Variants in FHOD3 observed in about 807,000 individuals in gnomAD.
FHOD3 encodes the protein formin homology 2 domain containing 3.
A neutral mutation model predicts 173.0 loss-of-function variants in FHOD3; 90 were observed. The ratio of observed to expected loss-of-function variants is 0.52; its 90% confidence interval spans 0.44 to 0.62. The LOEUF is 0.62. Among genes scored for constraint, FHOD3 ranks in the 20% least tolerant of loss-of-function variants. The probability of loss-of-function intolerance (pLI) is 0.00; values close to 1 mark genes in which losing one functional copy is unlikely to be tolerated. For missense variants in FHOD3, 1,945 were observed against 2,034.7 expected (o/e 0.96, Z 0.85); for synonymous variants, 828 against 823.0 (o/e 1.01, Z -0.10).
chr18:36,444,960 A>G (rs936731745), intron 3 of FHOD3, among the ~76,000 whole-genome samples: 1 of 152,364 alleles, frequency 6.6e-6, no homozygotes, highest in Admixed American at 6.5e-5. Context: ...GTAAATTTCT[A>G]TAACTAAAAG....
At chr18:36,412,474 G>A (rs1484471855) in intron 3 of FHOD3, among the ~76,000 whole-genome samples, 2 of 152,190 alleles carry the variant, frequency 1.3e-5, no homozygotes, top group Admixed American at 1.3e-4. Context: ...TGATTGACAA[G>A]TGACAAGGAC....
At chr18:36,579,811 C>T (rs2058780024) in intron 6 of FHOD3, among the ~76,000 whole-genome samples, 1 of 151,910 alleles carries the variant, frequency 6.6e-6, no homozygotes, top group African/African-American at 2.4e-5. Flanking sequence ...CATAAATTAC[C>T]CAGTCTCAGG....
chr18:36,376,536 G>T (rs912216979), intron 3 of FHOD3, among the ~76,000 whole-genome samples: 1 of 152,220 alleles, frequency 6.6e-6, no homozygotes, highest in South Asian at 2.1e-4. Context: ...AGATGATGAG[G>T]TCTGCTTGTG....
At chr18:36,518,431 A>G (rs2056104623) in intron 5 of FHOD3, among the ~76,000 whole-genome samples, 1 of 152,118 alleles carries the variant, frequency 6.6e-6, no homozygotes, top group South Asian at 2.1e-4. Context: ...GGAGTCTTGG[A>G]GGTGTCTTCA....
chr18:36,707,223 C>T (rs576852185), intron 17 of FHOD3, among the ~76,000 whole-genome samples: 1 of 152,318 alleles, frequency 6.6e-6, no homozygotes, highest in Admixed American at 6.5e-5. Context: ...TCTCCAGTTC[C>T]TAAAGCCTTC....
chr18:36,478,977 C>T (rs1020165946), intron 3 of FHOD3, among the ~76,000 whole-genome samples: 5 of 152,152 alleles, frequency 3.3e-5, no homozygotes, highest in Admixed American at 6.5e-5. Flanking sequence ...CCTTATACAA[C>T]GTATAAAAAG....
intron 3 of FHOD3, among the ~76,000 whole-genome samples, chr18:36,454,717 C>T (rs930138969): frequency 6.6e-6 from 1 of 151,682 alleles, no homozygotes. Context: ...ACCTCTCTGT[C>T]TGGGCTTCAT....
At chr18:36,643,072 C>T (rs1431517796) in intron 10 of FHOD3, among the ~76,000 whole-genome samples, 1 of 152,010 alleles carries the variant, frequency 6.6e-6, no homozygotes, top group Non-Finnish European at 1.5e-5. Flanking sequence ...CATATTGTCA[C>T]GTGAAGCTGG....
At chr18:36,597,527 C>T (rs1319102047) in intron 7 of FHOD3, among the ~76,000 whole-genome samples, 4 of 152,070 alleles carry the variant, frequency 2.6e-5, no homozygotes, top group Non-Finnish European at 4.4e-5. Flanking sequence ...CTCGGGTTCA[C>T]GCCATTCTCC....
intron 3 of FHOD3, among the ~76,000 whole-genome samples, chr18:36,424,763 A>G (rs1599061635): frequency 1.3e-5 from 2 of 152,218 alleles, no homozygotes; most frequent in East Asian, 1.9e-4. Flanking sequence ...GACATAAACA[A>G]TTCATAAGTT....
At chr18:36,657,620 T>C (rs887518354) in intron 13 of FHOD3, among the ~76,000 whole-genome samples, 1 of 152,242 alleles carries the variant, frequency 6.6e-6, no homozygotes, top group Non-Finnish European at 1.5e-5. Flanking sequence ...GAAATTGATA[T>C]GGAAATACTA....
At chr18:36,451,973 A>G (rs569934051) in intron 3 of FHOD3, among the ~76,000 whole-genome samples, 1 of 151,270 alleles carries the variant, frequency 6.6e-6, no homozygotes, top group Admixed American at 6.6e-5. Flanking sequence ...CCTTTTTTTC[A>G]AATTTGTCCA....
intron 3 of FHOD3, among the ~76,000 whole-genome samples, chr18:36,387,252 A>G (rs1804391042): frequency 6.6e-6 from 1 of 152,112 alleles, no homozygotes; most frequent in Non-Finnish European, 1.5e-5. Context: ...TCAGGTTGCT[A>G]GATTTGGGAC....
chr18:36,450,439 GTTTGTTTATTTATTTATTTATTTA>G (rs1353843106), intron 3 of FHOD3, among the ~76,000 whole-genome samples: 23 of 91,170 alleles, frequency 2.5e-4, no homozygotes, highest in African/African-American at 7.0e-4. Context: ...TTTACGACCA[GTTTGTTTATTTATTTATTTATTTA>G]TTTATTTATT....
At chr18:36,763,231 AAT>A (rs1473664146) in intron 27 of FHOD3, among the ~76,000 whole-genome samples, 6 of 146,394 alleles carry the variant, frequency 4.1e-5, no homozygotes, top group African/African-American at 1.0e-4. Context: ...CGTTATATAC[AAT>A]ATGCGTATTA....
chr18:36,515,688 C>A (rs879466328), intron 5 of FHOD3, among the ~76,000 whole-genome samples: 1 of 152,182 alleles, frequency 6.6e-6, no homozygotes, highest in Non-Finnish European at 1.5e-5. Context: ...GAAGGTGAGG[C>A]CCTAGCTGCA....
chr18:36,708,315 C>T (rs2039992457), intron 17 of FHOD3, among the ~76,000 whole-genome samples: 1 of 152,224 alleles, frequency 6.6e-6, no homozygotes, highest in Admixed American at 6.5e-5. Context: ...TGATGAACCT[C>T]ACTGGTTCAG....
At chr18:36,489,624 T>TGGG (rs2054363510) in intron 3 of FHOD3, among the ~76,000 whole-genome samples, 2 of 152,122 alleles carry the variant, frequency 1.3e-5, no homozygotes, top group Admixed American at 1.3e-4. Flanking sequence ...GTGAGCCATG[T>TGGG]TCATACTCCC....
chr18:36,443,328 T>C (rs2051264161), intron 3 of FHOD3, among the ~76,000 whole-genome samples: 1 of 152,232 alleles, frequency 6.6e-6, no homozygotes, highest in South Asian at 2.1e-4. Context: ...AGAATTCTAC[T>C]GTAAGGAAGA....
Sources: gnomAD v4.1 joint callset for allele counts (sites outside exome capture counted in the v4.1 genomes callset) on GRCh38, gnomAD v4.1.1 for gene constraint, MANE v1.5 for transcripts, NCBI Gene and HGNC (gene_info 2026-07-23, HGNC 2026-07-21) for gene names.